ELP4: variants seen among roughly 807,000 people sequenced by gnomAD.
ELP4 encodes elongator acetyltransferase complex subunit 4.
ELP4 carries 51 observed loss-of-function variants against 48.9 expected under a neutral mutation model. That is an observed-to-expected ratio of 1.04 (90% CI 0.83 to 1.32). ELP4 has a LOEUF of 1.32. ELP4 is among the 40% of genes most tolerant of loss of function. The probability of loss-of-function intolerance (pLI) is 0.00; values close to 1 mark genes in which losing one functional copy is unlikely to be tolerated. For missense variants in ELP4, 519 were observed against 514.6 expected (o/e 1.01, Z -0.08); for synonymous variants, 210 against 189.2 (o/e 1.11, Z -0.90).
At chr11:31,679,873 G>T (rs557719835) in intron 9 of ELP4, among the ~76,000 whole-genome samples, 3 of 152,272 alleles carry the variant, frequency 2.0e-5, no homozygotes, top group African/African-American at 7.2e-5. Context: ...AAGTTGGAAA[G>T]AACTGAAATC....
rs140482796 is a variant in ELP4 at position 31,728,635 on chromosome 11, G to A, written c.1144-54758G>A. Among the ~76,000 whole-genome samples, 150 of 152,282 alleles carry A rather than the reference G, an allele frequency of 9.9e-4. No individual in the cohort carries two copies. The Middle Eastern group carries it at 0.01, about 10-fold the overall frequency. On this transcript the variant is annotated intron_variant, in intron 9 of 9. Coordinates refer to ENST00000640961, the MANE Select transcript of ELP4 (RefSeq NM_019040.5). ...AGCAGTGCTCTGCTGAAAAACAGTT[G>A]TAACCATTGGTTGCTGGGCAATAGA... is the stretch of plus-strand genomic sequence containing the variant.
At chr11:31,513,570 C>A (rs933490350) in intron 1 of ELP4, among the ~76,000 whole-genome samples, 3 of 152,044 alleles carry the variant, frequency 2.0e-5, no homozygotes, top group Non-Finnish European at 4.4e-5. Flanking sequence ...TGTTATCTTT[C>A]TTGACTTTCA....
chr11:31,524,103 A>G (rs1328402336), intron 2 of ELP4, among the ~76,000 whole-genome samples: 1 of 152,178 alleles, frequency 6.6e-6, no homozygotes, highest in Non-Finnish European at 1.5e-5. Flanking sequence ...ACACTTTTGG[A>G]TAATTAAACC....
intron 3 of ELP4, among the ~76,000 whole-genome samples, chr11:31,546,809 C>A (rs1391328179): frequency 6.6e-6 from 1 of 152,070 alleles, no homozygotes; most frequent in South Asian, 2.1e-4. Context: ...TGCAATCAAA[C>A]TAGAACTCAG....
intron 3 of ELP4, among the ~76,000 whole-genome samples, chr11:31,563,223 G>A (rs1398494281): frequency 6.6e-6 from 1 of 152,108 alleles, no homozygotes; most frequent in Non-Finnish European, 1.5e-5. Flanking sequence ...TACTTCTGCT[G>A]AATTGTAAAA....
At chr11:31,545,092 A>C (rs955063739) in intron 3 of ELP4, among the ~76,000 whole-genome samples, 5 of 152,234 alleles carry the variant, frequency 3.3e-5, no homozygotes, top group Non-Finnish European at 7.3e-5. Context: ...CTCCTCCTCA[A>C]AAGGATTGCA....
At chr11:31,571,603 G>A (rs1213822139) in intron 3 of ELP4, among the ~76,000 whole-genome samples, 1 of 152,246 alleles carries the variant, frequency 6.6e-6, no homozygotes, top group South Asian at 2.1e-4. Flanking sequence ...ATCCATCAGA[G>A]GAATCACTAT....
rs1391284939 is a variant in ELP4, at chr11:31,787,009, A to C, written c.*3485A>C. 9.6e-6 allele frequency: 2 copies of C among 208,222 alleles called. No individual in the cohort carries two copies. Among genetic ancestry groups the C allele is most frequent in the Admixed American group, 6.4e-5 (1 of 15,696 alleles). The allele number at this position is 208,222 out of a possible 1,614,324, so 12.9% of individuals were successfully genotyped here. A position where few individuals can be genotyped will look rare whatever the true frequency, so the allele number is the denominator to read the frequency against. On this transcript the variant is annotated 3_prime_UTR_variant, in exon 10 of 10. Transcript: ENST00000640961. Reference sequence around the variant, plus strand: ...ATACCCCATTGATAAATATATAAATATATGTATCGTTAAATAAATAATAAA... The same window carrying C: ...ATACCCCATTGATAAATATATAAATCTATGTATCGTTAAATAAATAATAAA...
At chr11:31,557,894 A>G (rs1337966904) in intron 3 of ELP4, among the ~76,000 whole-genome samples, 2 of 152,076 alleles carry the variant, frequency 1.3e-5, no homozygotes, top group Non-Finnish European at 2.9e-5. Context: ...TACTTTTCCT[A>G]GACTATATAA....
At chr11:31,563,474 G>A (rs985307206) in intron 3 of ELP4, among the ~76,000 whole-genome samples, 14 of 152,212 alleles carry the variant, frequency 9.2e-5, no homozygotes, top group South Asian at 6.2e-4. Flanking sequence ...GAAACGGGCC[G>A]AAATATATTT....
intron 1 of ELP4, among the ~76,000 whole-genome samples, chr11:31,513,894 G>GA (rs1956056896): frequency 6.6e-6 from 1 of 151,994 alleles, no homozygotes; most frequent in Non-Finnish European, 1.5e-5. Context: ...CTGGTTTTAA[G>GA]AAAAAATGCC....
intron 3 of ELP4, among the ~76,000 whole-genome samples, chr11:31,546,389 G>A (rs1157128008): frequency 2.0e-5 from 3 of 152,096 alleles, no homozygotes; most frequent in Non-Finnish European, 4.4e-5. Flanking sequence ...GAACAAAGAA[G>A]GCCATTATAT....
chr11:31,546,577 G>T lies in ELP4; in HGVS notation c.381+6794G>T, dbSNP rs529484332. Among the ~76,000 whole-genome samples, 27 of 152,178 alleles carry T rather than the reference G, an allele frequency of 1.8e-4. No individual in the cohort carries two copies. The East Asian group carries it at 4.6e-3, about 26-fold the overall frequency. On this transcript the variant is annotated intron_variant, in intron 3 of 9. Transcript: ENST00000640961. ...CACTGTCAACATTAGACAGATCAACGAGACAGAAAGTCAACAAAGATACCC... is the reference window on the plus strand; with the variant it reads ...CACTGTCAACATTAGACAGATCAACTAGACAGAAAGTCAACAAAGATACCC...
At chr11:31,756,617 A>T (rs972174175) in intron 9 of ELP4, among the ~76,000 whole-genome samples, 31 of 152,182 alleles carry the variant, frequency 2.0e-4, no homozygotes. Flanking sequence ...GATTACTTGA[A>T]TCTCCAGCTA....
chr11:31,693,954 T>C (rs188262174), intron 9 of ELP4, among the ~76,000 whole-genome samples: 26 of 152,350 alleles, frequency 1.7e-4, no homozygotes, highest in Middle Eastern at 3.4e-3. Context: ...GCTGCATAAG[T>C]GTCTTCTTTT....
At chr11:31,570,730 G>A (rs762240522) in intron 3 of ELP4, among the ~76,000 whole-genome samples, 55 of 149,522 alleles carry the variant, frequency 3.7e-4, no homozygotes, top group Non-Finnish European at 5.5e-4. Flanking sequence ...CACTCGCCTC[G>A]GCCTCCCAAA....
intron 3 of ELP4, among the ~76,000 whole-genome samples, chr11:31,566,882 G>A (rs1957120316): frequency 1.3e-5 from 2 of 152,040 alleles, no homozygotes; most frequent in Admixed American, 1.3e-4. Flanking sequence ...CAACATGTAA[G>A]GTACTTATAA....
intron 5 of ELP4, among the ~76,000 whole-genome samples, chr11:31,620,490 A>G (rs1225227732): frequency 6.6e-6 from 1 of 151,968 alleles, no homozygotes; most frequent in Admixed American, 6.6e-5. Flanking sequence ...GAGGTATGGC[A>G]GTTATTGATA....
chr11:31,728,096 C>A (rs933079462), intron 9 of ELP4, among the ~76,000 whole-genome samples: 1 of 151,922 alleles, frequency 6.6e-6, no homozygotes, highest in Non-Finnish European at 1.5e-5. Flanking sequence ...TAATCTCCAA[C>A]AATAGAATAA....
Sources: gnomAD v4.1 joint callset for allele counts (sites outside exome capture counted in the v4.1 genomes callset) on GRCh38, gnomAD v4.1.1 for gene constraint, MANE v1.5 for transcripts, NCBI Gene and HGNC (gene_info 2026-07-23, HGNC 2026-07-21) for gene names.